Variants in NAA38 observed in about 807,000 individuals in gnomAD.
The protein encoded by NAA38 is N-alpha-acetyltransferase 38, NatC auxiliary subunit.
A neutral mutation model predicts 12.6 loss-of-function variants in NAA38; 15 were observed. The observed-to-expected ratio is 1.19, with a 90% confidence interval of 0.79 to 1.83. NAA38 has a LOEUF of 1.83. Ranked by LOEUF, NAA38 falls within the 40% of genes most tolerant of loss-of-function variation. The pLI is 0.00. For synonymous variants in NAA38, 88 were observed against 69.9 expected (o/e 1.26, Z -1.29); for missense variants, 183 against 171.7 (o/e 1.07, Z -0.37).
chr17:7,856,692 A>T lies in NAA38; in HGVS notation c.*39T>A. ...CACACAGACACAGGCCCATTCGGTCATAAGTTTAATGAAGTCTGAAAGGTA... is the reference window on the plus strand; with the variant it reads ...CACACAGACACAGGCCCATTCGGTCTTAAGTTTAATGAAGTCTGAAAGGTA... On this transcript the variant is annotated 3_prime_UTR_variant, in exon 3 of 3. Coordinates refer to ENST00000575771, the MANE Select transcript of NAA38 (RefSeq NM_001320925.4). The T allele has an allele frequency of 6.5e-7, 1 of 1,541,640 alleles. No individual in the cohort carries two copies. The highest frequency in any genetic ancestry group is 9.0e-7 in the Non-Finnish European group (1 of 1,114,940).
At chr17:7,857,354 T>C (rs758348418) in intron 1 of NAA38, 29 bp downstream of exon 1, 1 of 1,612,826 alleles carries the variant, frequency 6.2e-7, no homozygotes, top group African/African-American at 1.3e-5. Context: ...TGACTGCCCC[T>C]CAGTCCCAGA....
intron 2 of NAA38, among the ~76,000 whole-genome samples, chr17:7,878,932 T>A (rs1967222665): frequency 1.3e-5 from 2 of 151,564 alleles, no homozygotes; most frequent in South Asian, 4.2e-4. Flanking sequence ...TATGTATATG[T>A]GTATATATGT....
At chr17:7,860,510 C>A (rs1294956351), upstream of NAA38, 1 of 152,184 alleles carries the variant, frequency 6.6e-6, no homozygotes, top group East Asian at 1.9e-4. Context: ...CAAAGCCACA[C>A]TAGGTAGTAA....
chr17:7,878,304 C>T (rs113980514), intron 2 of NAA38, among the ~76,000 whole-genome samples: 192 of 151,834 alleles, frequency 1.3e-3, no homozygotes, highest in African/African-American at 4.4e-3. Flanking sequence ...CTGAAGTTTC[C>T]TCCTTGATAA....
chr17:7,882,093 G>A (rs1046736142), intron 2 of NAA38, among the ~76,000 whole-genome samples: 1 of 152,074 alleles, frequency 6.6e-6, no homozygotes, highest in African/African-American at 2.4e-5. Flanking sequence ...GGAGAATAAG[G>A]CAAATTAGCA....
intron 2 of NAA38, among the ~76,000 whole-genome samples, chr17:7,875,338 T>C (rs1314761186): frequency 6.6e-6 from 1 of 152,016 alleles, no homozygotes; most frequent in East Asian, 1.9e-4. Flanking sequence ...TCTTGGTTTG[T>C]ACTGTTTTTT....
chr17:7,874,595 T>A (rs1360636762), intron 2 of NAA38, among the ~76,000 whole-genome samples: 1 of 151,986 alleles, frequency 6.6e-6, no homozygotes, highest in East Asian at 1.9e-4. Flanking sequence ...ACAGTAGAGA[T>A]AAAGAATTAG....
At chr17:7,882,183 G>A (rs905445377) in intron 2 of NAA38, among the ~76,000 whole-genome samples, 12 of 152,248 alleles carry the variant, frequency 7.9e-5, no homozygotes, top group Non-Finnish European at 1.5e-5. Flanking sequence ...TTAGCCACCC[G>A]CACCTGCAGA....
At chr17:7,879,964 A>G (rs181587691) in intron 2 of NAA38, among the ~76,000 whole-genome samples, 1 of 152,240 alleles carries the variant, frequency 6.6e-6, no homozygotes, top group African/African-American at 2.4e-5. Flanking sequence ...ACTGACAGAG[A>G]AGGCAGGCAA....
intron 2 of NAA38, among the ~76,000 whole-genome samples, chr17:7,878,684 C>T (rs1967218789): frequency 6.6e-6 from 1 of 152,104 alleles, no homozygotes; most frequent in Non-Finnish European, 1.5e-5. Flanking sequence ...TGAGATCGCG[C>T]CATTGCACTA....
At chr17:7,857,753 ACTGC>A, upstream of NAA38, 2 of 1,274,004 alleles carry the variant, frequency 1.6e-6, no homozygotes, top group Non-Finnish European at 2.0e-6. Context: ...ATTCTTTCAT[ACTGC>A]CTCCTCCCTT....
upstream of NAA38, chr17:7,859,001 G>A (rs2078860968): frequency 1.0e-5 from 6 of 596,736 alleles, no homozygotes; most frequent in South Asian, 7.4e-5. Flanking sequence ...AATTCTAGGA[G>A]TGTCTGGGTC....
At chr17:7,880,537 T>C (rs1206392910) in intron 2 of NAA38, among the ~76,000 whole-genome samples, 1 of 152,190 alleles carries the variant, frequency 6.6e-6, no homozygotes, top group East Asian at 1.9e-4. Flanking sequence ...AGGAGAAAGC[T>C]TTTTAGACTA....
chr17:7,884,852 G>A (rs1386095631), intron 1 of NAA38: 1 of 1,143,056 alleles, frequency 8.7e-7, no homozygotes, highest in Non-Finnish European at 1.2e-6. Flanking sequence ...GGAGGAGATG[G>A]TGGTGTCGGA....
At chr17:7,885,173 C>T (rs1967599247) in exon 1 of NAA38, 3 of 978,924 alleles carry the variant, frequency 3.1e-6, no homozygotes, top group Admixed American at 1.3e-4. Flanking sequence ...ACCGCGCGGC[C>T]GAGCCGAGGC....
chr17:7,860,644 A>T (rs1463759960), upstream of NAA38: 1 of 152,198 alleles, frequency 6.6e-6, no homozygotes, highest in African/African-American at 2.4e-5. Flanking sequence ...CTCAGCAAGT[A>T]TTTGGGATGT....
chr17:7,856,953 GA>G (rs1395867796), intron 2 of NAA38, 61 bp downstream of exon 2: 1 of 1,587,078 alleles, frequency 6.3e-7, no homozygotes, highest in Non-Finnish European at 8.6e-7. Flanking sequence ...CCCTTAAGGG[GA>G]AATGCCTTGC....
chr17:7,885,104 C>T (rs1186417450), intron 1 of NAA38: 36 of 982,642 alleles, frequency 3.7e-5, no homozygotes, highest in Non-Finnish European at 4.1e-5. Flanking sequence ...GCCCCGACTC[C>T]CCCCCCAAGC....
intron 2 of NAA38, among the ~76,000 whole-genome samples, chr17:7,878,697 G>A (rs1967218978): frequency 6.6e-6 from 1 of 152,156 alleles, no homozygotes. Context: ...TTGCACTACA[G>A]TCTGGGCAAC....
Sources: gnomAD v4.1 joint callset for allele counts (sites outside exome capture counted in the v4.1 genomes callset) on GRCh38, gnomAD v4.1.1 for gene constraint, MANE v1.5 for transcripts, NCBI Gene and HGNC (gene_info 2026-07-23, HGNC 2026-07-21) for gene names.